The following STK32C variants were observed in gnomAD, a reference collection of about 807,000 sequenced individuals.
The protein encoded by STK32C is serine/threonine kinase 32C, also known as serine/threonine-protein kinase 32C.
A neutral mutation model predicts 56.5 loss-of-function variants in STK32C; 31 were observed. The observed-to-expected ratio is 0.55, with a 90% CI of 0.41 to 0.74. The LOEUF (loss-of-function observed/expected upper bound fraction) is 0.74. Ranked by LOEUF, STK32C falls within the 30% of genes least tolerant of loss-of-function variation. The pLI is 0.00. For missense variants in STK32C, 544 were observed against 676.9 expected, an observed-to-expected ratio of 0.80 and a Z score of 2.18; for synonymous variants, 309 against 289.4, an observed-to-expected ratio of 1.07 and a Z score of -0.69.
chr10:132,274,359 G>C (rs987829916), intron 1 of STK32C, among the ~76,000 whole-genome samples: 2 of 152,206 alleles, frequency 1.3e-5, no homozygotes, highest in East Asian at 3.8e-4. Context: ...CCATTGCTAG[G>C]GAAAGGCGGC....
At chr10:132,299,696 G>T (rs917488686) in intron 1 of STK32C, among the ~76,000 whole-genome samples, 5 of 152,338 alleles carry the variant, frequency 3.3e-5, no homozygotes, top group African/African-American at 1.2e-4. Flanking sequence ...CCACAGCATC[G>T]TGAGAAACCA....
At chr10:132,264,803 T>C (rs888686906) in intron 1 of STK32C, among the ~76,000 whole-genome samples, 1 of 150,096 alleles carries the variant, frequency 6.7e-6, no homozygotes, top group South Asian at 2.1e-4. Context: ...CGGTGGGAGG[T>C]GGGGGCGGGA....
chr10:132,303,046 A>G (rs183808312), intron 1 of STK32C, among the ~76,000 whole-genome samples: 18 of 152,324 alleles, frequency 1.2e-4, no homozygotes, highest in African/African-American at 3.6e-4. Context: ...ACCTTGTAAA[A>G]GTGGAGCGTT....
At chr10:132,301,550 C>T (rs932924306) in intron 1 of STK32C, among the ~76,000 whole-genome samples, 5 of 152,152 alleles carry the variant, frequency 3.3e-5, no homozygotes, top group South Asian at 2.1e-4. Flanking sequence ...CAGGATGCTC[C>T]GCCCAAAAGC....
intron 2 of STK32C, among the ~76,000 whole-genome samples, chr10:132,243,367 C>A (rs964264503): frequency 2.0e-5 from 3 of 152,174 alleles, no homozygotes; most frequent in Non-Finnish European, 4.4e-5. Context: ...TCTAATCACA[C>A]TGAGCAGCCT....
At chr10:132,248,979 G>A in intron 1 of STK32C, 2 of 457,834 alleles carry the variant, frequency 4.4e-6, no homozygotes, top group Non-Finnish European at 8.8e-6. Context: ...TAAATAACAA[G>A]TCAGAAGCAT....
chr10:132,328,280 T>C (rs2066543134), intron 1 of STK32C, among the ~76,000 whole-genome samples: 1 of 151,884 alleles, frequency 6.6e-6, no homozygotes, highest in Non-Finnish European at 1.5e-5. Context: ...GGGGTCGAAG[T>C]GAGGTTTCCT....
At chr10:132,306,507 C>A (rs2066066944) in intron 1 of STK32C, among the ~76,000 whole-genome samples, 1 of 152,210 alleles carries the variant, frequency 6.6e-6, no homozygotes, top group Admixed American at 6.5e-5. Context: ...TGCCGTCTCC[C>A]GGAGGAACGG....
rs369049317 is a variant in STK32C, at chr10:132,222,984, G to A, written c.996C>T (p.Leu332=). 4.9e-5 allele frequency: 76 copies of A among 1,549,424 alleles called. No individual in the cohort carries two copies. The African/African-American group carries it at 7.0e-4, about 14-fold the overall frequency. ...GCCGGTGCTCGGGGTTCACAGTGAG[G>A]AGCTGCAACCAGGCATGAGTCAGAG... ...SKEMVALLRK[L]LTVNPEHRLS... The change falls in exon 9 of 12, where the codon CTC becomes CTT. Residue 332 remains leucine, a splice_region_variant and synonymous_variant. Transcript: ENST00000298630.
upstream of STK32C, chr10:132,307,974 A>G (rs2066133618): frequency 2.9e-6 from 2 of 691,084 alleles, no homozygotes; most frequent in African/African-American, 2.4e-5. The surrounding 1 kb of genome is among the most constrained non-coding windows in gnomAD (Gnocchi z 4.4). Flanking sequence ...CGCCCCGTAG[A>G]TTGCGAGCGC....
At chr10:132,318,672 A>T (rs1234145204) in intron 1 of STK32C, among the ~76,000 whole-genome samples, 1 of 152,136 alleles carries the variant, frequency 6.6e-6, no homozygotes, top group Non-Finnish European at 1.5e-5. Flanking sequence ...ACCAAATAAG[A>T]CATACAAATG....
chr10:132,209,440 A>G (rs757502571), intron 10 of STK32C: 62 of 504,212 alleles, frequency 1.2e-4, no homozygotes, highest in Non-Finnish European at 2.3e-4. Flanking sequence ...TTCCCGTCTC[A>G]TACCGGGTTC....
At chr10:132,324,142 G>T in exon 2 of STK32C, 4 of 690,762 alleles carry the variant, frequency 5.8e-6, no homozygotes, top group Non-Finnish European at 1.1e-5. Context: ...CTGGGAAAAT[G>T]GAGGCCAAGA....
chr10:132,275,136 T>C (rs1447167010), intron 1 of STK32C, among the ~76,000 whole-genome samples: 1 of 152,148 alleles, frequency 6.6e-6, no homozygotes, highest in Non-Finnish European at 1.5e-5. Context: ...GGTGCTGCCA[T>C]CTGGCCCATC....
chr10:132,262,709 A>G (rs902672467), intron 1 of STK32C, among the ~76,000 whole-genome samples: 2 of 147,352 alleles, frequency 1.4e-5, no homozygotes, highest in African/African-American at 5.0e-5. Context: ...TCAGGAGATC[A>G]CACCACTGTA....
chr10:132,266,058 A>G (rs1298991170), intron 1 of STK32C, among the ~76,000 whole-genome samples: 2 of 152,238 alleles, frequency 1.3e-5, no homozygotes, highest in Non-Finnish European at 2.9e-5. Context: ...TACAACAGTC[A>G]AATACTGGAA....
chr10:132,240,916 A>C (rs2063478171), intron 2 of STK32C, among the ~76,000 whole-genome samples: 1 of 151,682 alleles, frequency 6.6e-6, no homozygotes, highest in African/African-American at 2.4e-5. Flanking sequence ...GGGGCACCAC[A>C]CCCCTAGAGA....
rs773530719 is a variant in STK32C at position 132,209,335 on chromosome 10, G to A, written c.1252-234C>T. Reference sequence around the variant, plus strand: ...CCAAGGCCCAGCTCCCTTGCCTCTGGGTGGATGGCTTGGACTTGCTCCGTG... The same window carrying A: ...CCAAGGCCCAGCTCCCTTGCCTCTGAGTGGATGGCTTGGACTTGCTCCGTG... On this transcript the variant is annotated intron_variant, in intron 10 of 11. Transcript: ENST00000298630. 15 of 710,208 alleles carry A rather than the reference G, an allele frequency of 2.1e-5. No homozygotes were observed. The South Asian group carries it at 2.2e-4, about 11-fold the overall frequency. 44.0% of individuals were successfully genotyped at this position (710,208 alleles called of 1,614,324 possible).
chr10:132,227,767 C>A (rs977077825), intron 3 of STK32C, among the ~76,000 whole-genome samples: 7 of 152,132 alleles, frequency 4.6e-5, no homozygotes, highest in African/African-American at 1.7e-4. Flanking sequence ...CTGCATTAAC[C>A]AACCCCAGCA....
Sources: gnomAD v4.1 joint callset for allele counts (sites outside exome capture counted in the v4.1 genomes callset) on GRCh38, gnomAD v4.1.1 for gene constraint, Gnocchi (gnomAD v3.1) non-coding constraint, MANE v1.5 for transcripts, NCBI Gene and HGNC (gene_info 2026-07-23, HGNC 2026-07-21) for gene names.